BMAL2: variants seen among roughly 807,000 people sequenced by gnomAD.
BMAL2 encodes basic helix-loop-helix ARNT-like protein 2.
At chr12:27,376,305 G>T in the BMAL2 span, 1 of 1,542,310 alleles carries the variant, frequency 6.5e-7, no homozygotes, top group South Asian at 1.1e-5. Flanking sequence ...TACAGAAAAG[G>T]TACTTCATGT....
At chr12:27,353,828 A>C in the BMAL2 span, among the ~76,000 whole-genome samples, 1 of 152,224 alleles carries the variant, frequency 6.6e-6, no homozygotes, top group Non-Finnish European at 1.5e-5. Context: ...TGCTCAAAGC[A>C]GTTATCATTA....
chr12:27,375,463 T>C, the BMAL2 span, among the ~76,000 whole-genome samples: 4 of 152,216 alleles, frequency 2.6e-5, no homozygotes, highest in African/African-American at 9.6e-5. Flanking sequence ...GAAAATTATA[T>C]ACTATGATCT....
chr12:27,405,957 A>G, the BMAL2 span, among the ~76,000 whole-genome samples: 1 of 152,250 alleles, frequency 6.6e-6, no homozygotes, highest in East Asian at 1.9e-4. Context: ...GCAAAGCCTC[A>G]GTAGCCAATT....
At chr12:27,425,055 G>A in the BMAL2 span, 5 of 152,240 alleles carry the variant, frequency 3.3e-5, no homozygotes, top group South Asian at 4.2e-4. Context: ...TGCCCAGCAC[G>A]GAACATGCTT....
At chr12:27,340,397 C>T in the BMAL2 span, among the ~76,000 whole-genome samples, 7 of 152,160 alleles carry the variant, frequency 4.6e-5, no homozygotes, top group South Asian at 2.1e-4. Context: ...TCAGCTTTGT[C>T]GAAGATCACA....
At chr12:27,356,962 T>G in the BMAL2 span, among the ~76,000 whole-genome samples, 8 of 151,816 alleles carry the variant, frequency 5.3e-5, no homozygotes, top group Admixed American at 2.6e-4. Flanking sequence ...TGCCTTTGTG[T>G]CCTCATAGCT....
the BMAL2 span, among the ~76,000 whole-genome samples, chr12:27,343,415 G>A: frequency 2.0e-5 from 3 of 152,276 alleles, no homozygotes; most frequent in African/African-American, 7.2e-5. Context: ...TTGAGTTGTC[G>A]GGAATCATGT....
At chr12:27,399,252 T>A in the BMAL2 span, among the ~76,000 whole-genome samples, 1 of 152,208 alleles carries the variant, frequency 6.6e-6, no homozygotes, top group Admixed American at 6.5e-5. Context: ...CTCTCTCAGT[T>A]CTCACTGGTC....
At chr12:27,367,875 C>T in the BMAL2 span, among the ~76,000 whole-genome samples, 1 of 151,558 alleles carries the variant, frequency 6.6e-6, no homozygotes, top group Admixed American at 6.6e-5. Flanking sequence ...GAGGGAGTCT[C>T]GCTCTGTTGC....
At chr12:27,404,885 G>A in the BMAL2 span, among the ~76,000 whole-genome samples, 7 of 152,132 alleles carry the variant, frequency 4.6e-5, no homozygotes, top group Non-Finnish European at 7.4e-5. Flanking sequence ...CTGGAAAATC[G>A]GGTCACTCCC....
chr12:27,387,121 T>C, the BMAL2 span: 3 of 747,812 alleles, frequency 4.0e-6, no homozygotes, highest in Admixed American at 7.6e-5. Context: ...ACTCTGTTAG[T>C]TTTATTGCCA....
chr12:27,364,853 A>G, the BMAL2 span, among the ~76,000 whole-genome samples: 1,303 of 152,206 alleles, frequency 8.6e-3, 6 homozygotes, highest in Non-Finnish European at 0.013. Context: ...GACCTTATAC[A>G]TTTATTAGAT....
chr12:27,414,242 C>A, the BMAL2 span, among the ~76,000 whole-genome samples: 1 of 152,036 alleles, frequency 6.6e-6, no homozygotes, highest in Non-Finnish European at 1.5e-5. Flanking sequence ...TAGTAGGGGA[C>A]CTCAAAACCT....
At chr12:27,351,248 A>G in the BMAL2 span, among the ~76,000 whole-genome samples, 1 of 152,160 alleles carries the variant, frequency 6.6e-6, no homozygotes, top group Non-Finnish European at 1.5e-5. Context: ...CTGGCCTCCC[A>G]AAGTGCTCAG....
At chr12:27,384,243 A>G in the BMAL2 span, among the ~76,000 whole-genome samples, 8 of 152,310 alleles carry the variant, frequency 5.3e-5, no homozygotes, top group African/African-American at 1.7e-4. Flanking sequence ...TACTCCTCCC[A>G]GGTCAAACAT....
At chr12:27,376,806 C>G in the BMAL2 span, among the ~76,000 whole-genome samples, 1 of 151,856 alleles carries the variant, frequency 6.6e-6, no homozygotes, top group Non-Finnish European at 1.5e-5. Flanking sequence ...CGAGACCATC[C>G]TGGCTAACAC....
the BMAL2 span, among the ~76,000 whole-genome samples, chr12:27,407,888 G>A: frequency 6.6e-6 from 1 of 151,974 alleles, no homozygotes; most frequent in Non-Finnish European, 1.5e-5. Flanking sequence ...TCAAATAGAT[G>A]CAATAAAAAA....
the BMAL2 span, chr12:27,403,480 A>G: frequency 6.2e-7 from 1 of 1,612,032 alleles, no homozygotes. Flanking sequence ...GTCTACTGGA[A>G]CAGTACTTGG....
chr12:27,332,983 G>C, the BMAL2 span: 1 of 1,074,372 alleles, frequency 9.3e-7, no homozygotes, highest in East Asian at 4.0e-5. Flanking sequence ...CCCTGCTCCA[G>C]AGCCGCCGCC....
Sources: gnomAD v4.1 joint callset for allele counts (sites outside exome capture counted in the v4.1 genomes callset) on GRCh38, gnomAD v4.1.1 for gene constraint, MANE v1.5 for transcripts, NCBI Gene and HGNC (gene_info 2026-07-23, HGNC 2026-07-21) for gene names.